WDPCP: variants seen among roughly 807,000 people sequenced by gnomAD.
WDPCP encodes WD repeat-containing and planar cell polarity effector protein fritz homolog.
WDPCP carries 71 observed loss-of-function variants against 93.1 expected under a neutral mutation model. That is an observed-to-expected ratio of 0.76 (90% CI 0.63 to 0.93). The LOEUF is 0.93. WDPCP is among the 40% of genes least tolerant of loss of function. WDPCP has a pLI of 0.00. For synonymous variants in WDPCP, 315 were observed against 315.0 expected, an observed-to-expected ratio of 1.00 and a Z score of 0.00; for missense variants, 844 against 887.4, an observed-to-expected ratio of 0.95 and a Z score of 0.62.
chr2:63,725,809 C>T (rs1233454450), intron 2 of WDPCP, among the ~76,000 whole-genome samples: 1 of 152,128 alleles, frequency 6.6e-6, no homozygotes, highest in Non-Finnish European at 1.5e-5. Context: ...TGATGTTGAG[C>T]ATTTTTTTCA....
intron 3 of WDPCP, among the ~76,000 whole-genome samples, chr2:63,644,722 A>G (rs1413984686): frequency 6.6e-6 from 1 of 151,964 alleles, no homozygotes; most frequent in Non-Finnish European, 1.5e-5. Flanking sequence ...GGATTTTTTC[A>G]TGGTTCAATC....
upstream of WDPCP, among the ~76,000 whole-genome samples, chr2:63,831,499 C>T (rs1233194126): frequency 6.6e-6 from 1 of 152,214 alleles, no homozygotes; most frequent in African/African-American, 2.4e-5. Flanking sequence ...TCAATACACA[C>T]TGCCACCACA....
At chr2:63,559,256 A>T (rs1426589679) in intron 1 of WDPCP, among the ~76,000 whole-genome samples, 1 of 152,180 alleles carries the variant, frequency 6.6e-6, no homozygotes, top group Non-Finnish European at 1.5e-5. Flanking sequence ...TCAATAAACT[A>T]GGTATTGATG....
intron 12 of WDPCP, among the ~76,000 whole-genome samples, chr2:63,369,828 A>C (rs754063302): frequency 2.6e-5 from 4 of 152,144 alleles, no homozygotes; most frequent in South Asian, 2.1e-4. Context: ...GTTTTTACCC[A>C]TTTGATTTTT....
At chr2:63,232,217 C>T (rs1678968195) in intron 14 of WDPCP, among the ~76,000 whole-genome samples, 2 of 152,164 alleles carry the variant, frequency 1.3e-5, no homozygotes, top group African/African-American at 2.4e-5. Context: ...AGACCTAAAA[C>T]CATAAAAACC....
At chr2:63,569,656 A>G (rs1193912041) in intron 1 of WDPCP, among the ~76,000 whole-genome samples, 1 of 152,186 alleles carries the variant, frequency 6.6e-6, no homozygotes, top group Admixed American at 6.5e-5. Flanking sequence ...AACATTTGCT[A>G]ACTCACGTGG....
intron 12 of WDPCP, among the ~76,000 whole-genome samples, chr2:63,335,866 C>CA (rs1226955552): frequency 1.3e-5 from 2 of 152,146 alleles, no homozygotes; most frequent in African/African-American, 4.8e-5. Flanking sequence ...GCTGATAAAA[C>CA]AGGTTGCAGT....
At chr2:63,825,573 C>T (rs1434680783) in intron 1 of WDPCP, among the ~76,000 whole-genome samples, 1 of 151,908 alleles carries the variant, frequency 6.6e-6, no homozygotes, top group East Asian at 2.0e-4. Flanking sequence ...TCTCTGCTAA[C>T]AAACTACATT....
At chr2:63,836,769 G>T in the WDPCP span, among the ~76,000 whole-genome samples, 2 of 152,158 alleles carry the variant, frequency 1.3e-5, no homozygotes, top group Non-Finnish European at 2.9e-5. Flanking sequence ...CTCCTCTGGG[G>T]AACATGCAGA....
intron 3 of WDPCP, chr2:63,595,514 T>G (rs1370504535): frequency 1.2e-6 from 2 of 1,600,126 alleles, no homozygotes; most frequent in Non-Finnish European, 1.7e-6. Flanking sequence ...CTTCCCCTCC[T>G]GAAAGGTGGG....
intron 3 of WDPCP, among the ~76,000 whole-genome samples, chr2:63,594,090 CT>C (rs1317190117): frequency 1.3e-5 from 2 of 152,164 alleles, no homozygotes; most frequent in Non-Finnish European, 2.9e-5. Context: ...GCCTCTTTCA[CT>C]CTTCTTCTTG....
chr2:63,540,720 T>C (rs1486880966), intron 1 of WDPCP, among the ~76,000 whole-genome samples: 2 of 152,174 alleles, frequency 1.3e-5, no homozygotes, highest in East Asian at 3.8e-4. Context: ...CAGTTTTTAA[T>C]TGGATCCATT....
At chr2:63,811,048 T>C (rs555745513) in intron 2 of WDPCP, among the ~76,000 whole-genome samples, 1 of 152,308 alleles carries the variant, frequency 6.6e-6, no homozygotes, top group East Asian at 1.9e-4. Context: ...ATAAACACTT[T>C]GAGTGGTTGT....
At chr2:63,370,469 C>T (rs573214210) in intron 12 of WDPCP, among the ~76,000 whole-genome samples, 19 of 152,124 alleles carry the variant, frequency 1.2e-4, no homozygotes, top group African/African-American at 4.3e-4. Flanking sequence ...GGAATGTCAT[C>T]ATAATGGATC....
intron 2 of WDPCP, among the ~76,000 whole-genome samples, chr2:63,803,668 C>T (rs1670725450): frequency 1.3e-5 from 2 of 151,946 alleles, no homozygotes; most frequent in South Asian, 4.1e-4. Flanking sequence ...ATTATTTTTA[C>T]AAAACAGACA....
chr2:63,134,511 T>C (rs895164890), intron 17 of WDPCP, among the ~76,000 whole-genome samples: 1 of 152,196 alleles, frequency 6.6e-6, no homozygotes, highest in African/African-American at 2.4e-5. Context: ...TGTACACATA[T>C]TGTTTTCATA....
intron 12 of WDPCP, among the ~76,000 whole-genome samples, chr2:63,313,579 C>T (rs1686352970): frequency 6.6e-6 from 1 of 152,026 alleles, no homozygotes; most frequent in Non-Finnish European, 1.5e-5. Flanking sequence ...ACTATGATAG[C>T]TTAGAAAATA....
intron 8 of WDPCP, among the ~76,000 whole-genome samples, chr2:63,436,673 G>A (rs748120948): frequency 6.6e-6 from 1 of 152,054 alleles, no homozygotes; most frequent in Admixed American, 6.6e-5. Flanking sequence ...CATCATAGAG[G>A]TTGGATCAAT....
At chr2:63,167,453 T>C (rs1219871988) in intron 15 of WDPCP, among the ~76,000 whole-genome samples, 1 of 152,170 alleles carries the variant, frequency 6.6e-6, no homozygotes, top group Non-Finnish European at 1.5e-5. Flanking sequence ...ACATCCCATA[T>C]ATTCTGATAT....
Sources: allele counts gnomAD v4.1 joint callset (sites outside exome capture counted in the v4.1 genomes callset), GRCh38; gene constraint gnomAD v4.1.1; transcripts MANE v1.5; gene names NCBI Gene and HGNC (gene_info 2026-07-23, HGNC 2026-07-21).